Variants in DDX42 observed in about 807,000 individuals in gnomAD.
The protein encoded by DDX42 is ATP-dependent RNA helicase DDX42.
DDX42 carries 22 observed loss-of-function variants against 101.5 expected under a neutral mutation model. That is an observed-to-expected ratio of 0.22 (90% CI 0.15 to 0.31). The LOEUF (loss-of-function observed/expected upper bound fraction) is 0.31. Among genes scored for constraint, DDX42 ranks in the 10% least tolerant of loss-of-function variants. The probability of loss-of-function intolerance (pLI) is 1.00; values close to 1 mark genes in which losing one functional copy is unlikely to be tolerated. For missense variants in DDX42, 849 were observed against 1,199.9 expected (o/e 0.71, Z 4.32); for synonymous variants, 402 against 401.2 (o/e 1.00, Z -0.02).
intron 6 of DDX42, among the ~76,000 whole-genome samples, chr17:63,802,416 A>G (rs1443970205): frequency 6.6e-6 from 1 of 152,230 alleles, no homozygotes; most frequent in Admixed American, 6.5e-5. Flanking sequence ...CTTTCACTGG[A>G]CAAAATCAAT....
intron 6 of DDX42, among the ~76,000 whole-genome samples, chr17:63,804,038 A>G (rs1254697501): frequency 1.3e-5 from 2 of 152,238 alleles, no homozygotes; most frequent in African/African-American, 2.4e-5. Context: ...CGACATTAAT[A>G]AAGAGATTTG....
chr17:63,793,879 T>TATATATATATATATATATATATAA (rs780884817), intron 3 of DDX42, among the ~76,000 whole-genome samples: 1 of 103,024 alleles, frequency 9.7e-6, no homozygotes, highest in African/African-American at 4.0e-5. Context: ...TATATATATA[T>TATATATATATATATATATATATAA]AATTTTTTAA....
At chr17:63,812,330 C>T in intron 14 of DDX42, 122 bp downstream of exon 14, 1 of 1,208,052 alleles carries the variant, frequency 8.3e-7, no homozygotes, top group Non-Finnish European at 1.1e-6. Context: ...GCTGGCCATC[C>T]CCTCCCAAAC....
At chr17:63,800,960 TTTTTC>T (rs1475642999) in intron 6 of DDX42, among the ~76,000 whole-genome samples, 2 of 131,854 alleles carry the variant, frequency 1.5e-5, no homozygotes, top group East Asian at 2.1e-4. Context: ...CCTTTCTTTC[TTTTTC>T]TTTTCTTCTT....
At position 63,817,769 on chromosome 17, in the gene DDX42, G is replaced by C; in HGVS notation, c.2188G>C (p.Gly730Arg). ...KAGSSAAGAS[G>R]WTSAGSLNSV... ...TGGAAGTTCTGCTGCTGGGGCAAGT[G>C]GGTGGACTAGTGCAGGGAGCTTGAA... The change falls in exon 18 of 18, where the codon GGG becomes CGG. Residue 730 changes from glycine (G) to arginine (R), a missense_variant. Physicochemically the swap from Gly to Arg is moderately radical, Grantham distance 125. Coordinates refer to ENST00000389924, the MANE Select transcript of DDX42 (RefSeq NM_203499.3). 1 of 1,614,212 alleles carries C rather than the reference G, an allele frequency of 6.2e-7. No homozygotes were observed. The highest frequency in any genetic ancestry group is 8.5e-7 in the Non-Finnish European group (1 of 1,180,050).
At chr17:63,794,187 C>T (rs968853038) in intron 3 of DDX42, among the ~76,000 whole-genome samples, 2 of 152,116 alleles carry the variant, frequency 1.3e-5, no homozygotes, top group Non-Finnish European at 2.9e-5. Context: ...AGGTAGTATA[C>T]AGCTACAGGT....
rs1195342602 is a variant in DDX42 at position 63,775,822 on chromosome 17, T to G, written c.-17+1446T>G. On this transcript the variant is annotated intron_variant, in intron 1 of 17. Coordinates refer to ENST00000389924, the MANE Select transcript of DDX42 (RefSeq NM_203499.3). The stretch of plus-strand genomic sequence containing the variant: ...GGTTTCGATCAGAGGAATGATAATA[T>G]CTGATTTATATTGTAACAATTTAAT... Among the ~76,000 whole-genome samples the G allele has an allele frequency of 2.6e-5, 4 of 152,228 alleles. No homozygotes were observed. The East Asian group carries it at 7.7e-4, about 29-fold the overall frequency.
At chr17:63,784,454 A>C (rs145247063) in intron 1 of DDX42, among the ~76,000 whole-genome samples, 1 of 152,292 alleles carries the variant, frequency 6.6e-6, no homozygotes, top group Non-Finnish European at 1.5e-5. Flanking sequence ...TGTGTAATGG[A>C]TACTTTTTCA....
intron 1 of DDX42, among the ~76,000 whole-genome samples, chr17:63,781,584 C>T (rs535878650): frequency 8.5e-5 from 13 of 152,266 alleles, no homozygotes; most frequent in South Asian, 4.1e-4. Flanking sequence ...TCTCCTCACC[C>T]GTGTTCCTCC....
intron 17 of DDX42, chr17:63,817,379 A>AT (rs1329169380): frequency 9.9e-6 from 3 of 301,738 alleles, no homozygotes; most frequent in Non-Finnish European, 1.2e-5. Flanking sequence ...CAGTATGAAA[A>AT]TTTTTTTTAA....
Position 63,809,740 on chromosome 17 carries a change from C to T in DDX42, c.1252+81C>T, listed in dbSNP as rs1372476017. 9 of 1,158,396 alleles carry T rather than the reference C, an allele frequency of 7.8e-6. No homozygotes were observed. In the Admixed American group the frequency reaches 1.6e-4, roughly 21 times the overall value. 71.8% of individuals were successfully genotyped at this position (1,158,396 alleles called of 1,614,324 possible). A position where few individuals can be genotyped will look rare whatever the true frequency, so the allele number is the denominator to read the frequency against. On this transcript the variant is annotated intron_variant, in intron 11 of 17. Coordinates refer to ENST00000389924, the MANE Select transcript of DDX42 (RefSeq NM_203499.3). Reference sequence around the variant, plus strand: ...TCCATGTCTTTCTAGACTGTTTTTTCAGCATGAGAGAAGCTAAAAATACTC... The same window carrying T: ...TCCATGTCTTTCTAGACTGTTTTTTTAGCATGAGAGAAGCTAAAAATACTC...
In DDX42 at chr17:63,787,081, A is replaced by G; in HGVS notation, c.32A>G (p.Lys11Arg). The G allele has an allele frequency of 1.9e-6, 3 of 1,614,224 alleles. No individual in the cohort carries two copies. The highest frequency in any genetic ancestry group is 1.7e-6 in the Non-Finnish European group (2 of 1,180,038). Residue 11 changes from lysine to arginine, a missense_variant, in exon 2 of 18, where the codon AAG (lysine) becomes AGG (arginine). By Grantham distance (26) the Lys-to-Arg change is conservative. Around this residue, in one of 5 missense-constraint regions of DDX42, gnomAD observed 92 missense variants for 106.7 expected, o/e 0.86. Coordinates refer to ENST00000389924, the MANE Select transcript of DDX42 (RefSeq NM_203499.3). MNWNKGGPGT[K>R]RGFGFGGFAI... ...TGGAATAAAGGTGGTCCTGGCACTA[A>G]GCGAGGATTTGGCTTTGGAGGTTTT...
chr17:63,796,924 G>A (rs2039700572), intron 3 of DDX42, among the ~76,000 whole-genome samples: 1 of 152,082 alleles, frequency 6.6e-6, no homozygotes, highest in Non-Finnish European at 1.5e-5. Flanking sequence ...AGTATATATA[G>A]TGGCATTTTT....
At chr17:63,789,685 T>C (rs766728201) in intron 2 of DDX42, among the ~76,000 whole-genome samples, 8 of 150,532 alleles carry the variant, frequency 5.3e-5, no homozygotes, top group Admixed American at 4.7e-4. Flanking sequence ...GCAATTCTCC[T>C]GTCTCAGCCT....
chr17:63,792,707 C>T, intron 3 of DDX42, 145 bp downstream of exon 3: 1 of 790,258 alleles, frequency 1.3e-6, no homozygotes, highest in South Asian at 2.3e-5. Flanking sequence ...TCTATAGTTG[C>T]ATATATCTAC....
chr17:63,811,655 C>A, intron 13 of DDX42: 1 of 536,416 alleles, frequency 1.9e-6, no homozygotes, highest in South Asian at 2.3e-5. Context: ...TCAGTTATGG[C>A]TGCTTAGAGA....
chr17:63,782,121 T>TA (rs2039495639), intron 1 of DDX42, among the ~76,000 whole-genome samples: 1 of 150,716 alleles, frequency 6.6e-6, no homozygotes, highest in Admixed American at 6.6e-5. Context: ...CTACTAAAAA[T>TA]ACAAAAATTA....
Position 63,800,609 on chromosome 17 carries a change from C to T in DDX42, c.613C>T (p.His205Tyr). 6.2e-7 allele frequency: 1 copy of T among 1,613,672 alleles called. No homozygotes were observed. Among genetic ancestry groups the T allele is most frequent in the South Asian group, 1.1e-5 (1 of 90,950 alleles). ...CATTGATCCTCTTCCCCCCATTGAT[C>T]ATTCAGAGGTATGGTGTTTCTTGCT... ...KIIDPLPPID[H>Y]SEIDYPPFEK... The change falls in exon 6 of 18, where the codon CAT (histidine) becomes TAT (tyrosine). Residue 205 changes from histidine (H) to tyrosine (Y), a missense_variant. Around this residue, in one of 5 missense-constraint regions of DDX42, gnomAD observed 370 missense variants for 608.8 expected, o/e 0.61. Coordinates refer to ENST00000389924, the MANE Select transcript of DDX42 (RefSeq NM_203499.3).
chr17:63,784,996 G>A (rs1045525345), intron 1 of DDX42, among the ~76,000 whole-genome samples: 1 of 152,078 alleles, frequency 6.6e-6, no homozygotes, highest in East Asian at 1.9e-4. Context: ...AAATCACTAA[G>A]ACAATATGTA....
Sources: allele counts gnomAD v4.1 joint callset (sites outside exome capture counted in the v4.1 genomes callset), GRCh38; gene constraint gnomAD v4.1.1; regional missense constraint gnomAD v4.1.1; transcripts MANE v1.5; gene names NCBI Gene and HGNC (gene_info 2026-07-23, HGNC 2026-07-21).